The following KLHL12 variants were observed in gnomAD, a reference collection of about 807,000 sequenced individuals.
KLHL12 encodes the protein kelch-like protein 12.
In KLHL12, 17 loss-of-function variants were observed where a neutral mutation model predicts 60.8. The ratio of observed to expected loss-of-function variants is 0.28; its 90% CI spans 0.19 to 0.42. KLHL12 has a LOEUF of 0.42. Ranked by LOEUF, KLHL12 falls within the 10% of genes least tolerant of loss-of-function variation. The probability of loss-of-function intolerance (pLI) is 1.00; values close to 1 mark genes in which losing one functional copy is unlikely to be tolerated. For synonymous variants in KLHL12, 220 were observed against 250.9 expected (o/e 0.88, Z 1.16); for missense variants, 468 against 722.3 (o/e 0.65, Z 4.04).
intron 4 of KLHL12, among the ~76,000 whole-genome samples, chr1:202,917,229 G>A (rs774301036): frequency 3.3e-5 from 5 of 151,928 alleles, no homozygotes; most frequent in South Asian, 2.1e-4. Context: ...TTCTTCCCCC[G>A]CAAGAGACAG....
chr1:202,914,364 G>A (rs73089402), intron 4 of KLHL12, among the ~76,000 whole-genome samples: 5,796 of 152,260 alleles, frequency 0.038, 145 homozygotes, highest in South Asian at 0.12. Context: ...TACTTGGGAA[G>A]TTAAACTAAC....
chr1:202,922,490 CTTT>C (rs769175837), intron 2 of KLHL12, among the ~76,000 whole-genome samples: 1 of 140,716 alleles, frequency 7.1e-6, no homozygotes. Context: ...AGATCCAAGA[CTTT>C]TTTTTTTTTT....
chr1:202,901,425 G>A (rs1660003228), intron 6 of KLHL12, among the ~76,000 whole-genome samples: 2 of 150,576 alleles, frequency 1.3e-5, no homozygotes, highest in Admixed American at 1.3e-4. Context: ...CTGAGCAGCT[G>A]GGAGCACAGT....
chr1:202,920,195 TC>T (rs1270834464), intron 2 of KLHL12, among the ~76,000 whole-genome samples: 2 of 151,522 alleles, frequency 1.3e-5, no homozygotes, highest in Non-Finnish European at 2.9e-5. Context: ...ATGCCTGTAG[TC>T]CCAGCTACTC....
intron 2 of KLHL12, among the ~76,000 whole-genome samples, chr1:202,921,189 T>G (rs1188642506): frequency 6.6e-6 from 1 of 151,854 alleles, no homozygotes; most frequent in Non-Finnish European, 1.5e-5. Flanking sequence ...TTTTTTTTTT[T>G]TTTTTGACAC....
intron 3 of KLHL12, among the ~76,000 whole-genome samples, chr1:202,919,281 T>C (rs1212968133): frequency 2.0e-5 from 3 of 152,086 alleles, no homozygotes; most frequent in Non-Finnish European, 4.4e-5. Flanking sequence ...AACCTGGGAA[T>C]TGTAAGGGAA....
intron 6 of KLHL12, among the ~76,000 whole-genome samples, chr1:202,899,829 A>C (rs1436292751): frequency 6.8e-6 from 1 of 147,222 alleles, no homozygotes; most frequent in African/African-American, 2.5e-5. Context: ...TCTCAAAAAA[A>C]AAAAAAAAAA....
At position 202,895,393 on chromosome 1, in the gene KLHL12, C is replaced by T; in HGVS notation, c.1135+129G>A. ...TGGGCAACAGAGAGAGACCCTGTCT[C>T]AAATAATAATAACATTTGACCTTAA... is the stretch of plus-strand genomic sequence containing the variant. On this transcript the variant is annotated intron_variant, in intron 8 of 11. Transcript: ENST00000367261. The surrounding 1 kb of genome is among the most constrained non-coding windows in gnomAD (Gnocchi z 4.2). The T allele has an allele frequency of 1.2e-6, 1 of 807,824 alleles. No homozygotes were observed. The highest frequency in any genetic ancestry group is 1.9e-6 in the Non-Finnish European group (1 of 513,134). 50.0% of individuals were successfully genotyped at this position (807,824 alleles called of 1,614,324 possible). A position where few individuals can be genotyped will look rare whatever the true frequency, so the allele number is the denominator to read the frequency against.
chr1:202,911,261 A>C, intron 4 of KLHL12, 58 bp from the exon 5 acceptor site: 291 of 1,565,136 alleles, frequency 1.9e-4, no homozygotes, highest in Non-Finnish European at 2.3e-4. Context: ...TCACCATCTC[A>C]AAACGTAACC....
intron 2 of KLHL12, among the ~76,000 whole-genome samples, chr1:202,922,501 T>C (rs558360725): frequency 1.3e-5 from 2 of 151,724 alleles, no homozygotes; most frequent in Non-Finnish European, 2.9e-5. Context: ...TTTTTTTTTT[T>C]TTTGAGACAG....
chr1:202,917,948 A>G (rs1284846845), intron 4 of KLHL12, among the ~76,000 whole-genome samples: 4 of 152,244 alleles, frequency 2.6e-5, no homozygotes, highest in Admixed American at 2.0e-4. Context: ...ACTCTGTTGA[A>G]TAGTGATTCT....
intron 3 of KLHL12, among the ~76,000 whole-genome samples, chr1:202,918,957 A>G (rs1295147276): frequency 6.6e-6 from 1 of 152,260 alleles, no homozygotes; most frequent in African/African-American, 2.4e-5. Flanking sequence ...ATGTTAAAAA[A>G]GAAAAACTGG....
At chr1:202,921,114 G>A (rs1007700367) in intron 2 of KLHL12, among the ~76,000 whole-genome samples, 4 of 150,484 alleles carry the variant, frequency 2.7e-5, no homozygotes, top group Non-Finnish European at 5.9e-5. Flanking sequence ...AGGTTCAAGT[G>A]TTTCTCGTGC....
At chr1:202,919,059 G>C (rs991539079) in intron 3 of KLHL12, among the ~76,000 whole-genome samples, 1 of 152,186 alleles carries the variant, frequency 6.6e-6, no homozygotes, top group Admixed American at 6.5e-5. Context: ...AGACCAGCCT[G>C]AGCAACATAG....
Position 202,925,029 on chromosome 1 carries a change from G to A in KLHL12, c.134C>T (p.Pro45Leu). 3 of 1,614,194 alleles carry A rather than the reference G, an allele frequency of 1.9e-6. No individual in the cohort carries two copies. Among genetic ancestry groups the A allele is most frequent in the Non-Finnish European group, 8.5e-7 (1 of 1,180,042 alleles). Reference protein sequence around the residue: ...VTLRVEQKDFPAHRIVLAACS... With the variant: ...VTLRVEQKDFLAHRIVLAACS... ...GGCAGCCAGCACAATCCGATGGGCA[G>A]GGAAGTCTTTCTGCTCTACTCTCAA... The change falls in exon 2 of 12, where the codon CCT (proline) becomes CTT (leucine). Residue 45 changes from proline (P) to leucine (L), a missense_variant. By Grantham distance (98) the Pro-to-Leu change is moderately conservative. Around this residue, in one of 4 missense-constraint regions of KLHL12, gnomAD observed 61 missense variants for 59.9 expected, o/e 1.02. Coordinates refer to ENST00000367261, the MANE Select transcript of KLHL12 (RefSeq NM_021633.4).
chr1:202,928,581 G>C (rs1391222286), upstream of KLHL12: 26 of 1,249,116 alleles, frequency 2.1e-5, no homozygotes, highest in Non-Finnish European at 2.8e-5. Context: ...GCCGAACAAC[G>C]CTGCGGCGAG....
chr1:202,907,429 C>A (rs1054533300), intron 6 of KLHL12, among the ~76,000 whole-genome samples: 4 of 149,754 alleles, frequency 2.7e-5, no homozygotes, highest in Non-Finnish European at 4.4e-5. Context: ...TGGAGAAACC[C>A]TGTCTCTACC....
chr1:202,928,528 C>T, upstream of KLHL12: 3 of 1,304,344 alleles, frequency 2.3e-6, no homozygotes, highest in Non-Finnish European at 3.0e-6. Context: ...CCCACAGAGG[C>T]CTCAAATTTA....
intron 4 of KLHL12, among the ~76,000 whole-genome samples, chr1:202,917,463 G>A (rs951504912): frequency 3.3e-5 from 5 of 151,092 alleles, no homozygotes; most frequent in African/African-American, 1.2e-4. Context: ...TTCTGCCTCA[G>A]CCTCCCAAAG....
Sources: allele counts gnomAD v4.1 joint callset (sites outside exome capture counted in the v4.1 genomes callset), GRCh38; gene constraint gnomAD v4.1.1; regional missense constraint gnomAD v4.1.1; non-coding constraint Gnocchi (gnomAD v3.1); transcripts MANE v1.5; gene names NCBI Gene and HGNC (gene_info 2026-07-23, HGNC 2026-07-21).